Variants in RUNX2 observed in about 807,000 individuals in gnomAD.
RUNX2 encodes the protein runt-related transcription factor 2.
RUNX2 carries 10 observed loss-of-function variants against 51.7 expected under a neutral mutation model. The observed-to-expected ratio is 0.19, with a 90% CI of 0.12 to 0.33. RUNX2 has a LOEUF of 0.33. RUNX2 is among the 10% of genes least tolerant of loss of function. The pLI is 1.00. For synonymous variants in RUNX2, 276 were observed against 273.6 expected (o/e 1.01, Z -0.09); for missense variants, 562 against 691.3 (o/e 0.81, Z 2.10).
chr6:45,414,187 C>T (rs533585516), intron 2 of RUNX2, among the ~76,000 whole-genome samples: 4 of 152,134 alleles, frequency 2.6e-5, no homozygotes, highest in South Asian at 2.1e-4. Context: ...GCTGTAATAG[C>T]GAGGAAAAGA....
rs1009371504 is a variant in RUNX2 at position 45,475,141 on chromosome 6, A to G, written c.686-16800A>G. Among the ~76,000 whole-genome samples, 7 of 148,798 alleles carry G rather than the reference A, an allele frequency of 4.7e-5. No individual in the cohort carries two copies. The East Asian group carries it at 1.2e-3, about 25-fold the overall frequency. The stretch of plus-strand genomic sequence containing the variant: ...TCCATCTTAAAAAAAAAAAAAAAAA[A>G]GAAGCTTAATCTGTTTTAGGAGATA... On this transcript the variant is annotated intron_variant, in intron 5 of 8. Transcript: ENST00000647337.
chr6:45,443,560 A>T (rs1798901795), intron 5 of RUNX2, among the ~76,000 whole-genome samples: 2 of 152,332 alleles, frequency 1.3e-5, no homozygotes, highest in African/African-American at 4.8e-5. Context: ...AACAGGAAAA[A>T]TAATTCTTTT....
intron 4 of RUNX2, among the ~76,000 whole-genome samples, chr6:45,433,723 G>A (rs1798606429): frequency 6.6e-6 from 1 of 152,074 alleles, no homozygotes; most frequent in Non-Finnish European, 1.5e-5. Context: ...CAAAGGGTGT[G>A]CACTGTTTTA....
chr6:45,471,526 G>A (rs371197398), intron 5 of RUNX2, among the ~76,000 whole-genome samples: 7 of 150,436 alleles, frequency 4.7e-5, no homozygotes, highest in African/African-American at 1.7e-4. Flanking sequence ...CTCACTGCAA[G>A]CTCCGCCTCC....
rs146614259 is a variant in RUNX2 at position 45,357,220 on chromosome 6, G to C, written c.58+28436G>C. ...GACGGGGTTTCACCATGTTAGCCAG[G>C]ATGGTCTCAATCTCCTGACCTTCTG... On this transcript the variant is annotated intron_variant, in intron 2 of 8. Transcript: ENST00000647337. Among the ~76,000 whole-genome samples, 12 of 152,090 alleles carry C rather than the reference G, an allele frequency of 7.9e-5. No homozygotes were observed. The East Asian group carries it at 2.3e-3, about 30-fold the overall frequency.
At chr6:45,350,417 T>C (rs576690266) in intron 2 of RUNX2, among the ~76,000 whole-genome samples, 14 of 152,310 alleles carry the variant, frequency 9.2e-5, no homozygotes, top group South Asian at 2.1e-4. Flanking sequence ...ATTAGGTAAT[T>C]TGTAATACAC....
At chr6:45,507,614 A>G (rs1433359688) in intron 6 of RUNX2, among the ~76,000 whole-genome samples, 1 of 152,152 alleles carries the variant, frequency 6.6e-6, no homozygotes, top group African/African-American at 2.4e-5. Flanking sequence ...TTTTTTCCCC[A>G]CTAAAAGATT....
At chr6:45,493,910 C>G (rs759394716) in intron 6 of RUNX2, among the ~76,000 whole-genome samples, 3 of 151,998 alleles carry the variant, frequency 2.0e-5, no homozygotes, top group Non-Finnish European at 4.4e-5. Flanking sequence ...GTATTCTGAT[C>G]ATTATTTGTT....
chr6:45,388,148 G>A (rs889803339), intron 2 of RUNX2, among the ~76,000 whole-genome samples: 7 of 152,178 alleles, frequency 4.6e-5, no homozygotes, highest in African/African-American at 1.7e-4. Context: ...GATAGAATTA[G>A]ACCCTAGAAA....
intron 2 of RUNX2, among the ~76,000 whole-genome samples, chr6:45,342,495 G>A (rs1301097283): frequency 2.6e-5 from 4 of 152,008 alleles, no homozygotes; most frequent in East Asian, 1.9e-4. Context: ...TTCTGACCTC[G>A]TAATCCACCC....
intron 2 of RUNX2, among the ~76,000 whole-genome samples, chr6:45,396,591 A>G (rs899126809): frequency 5.3e-5 from 8 of 152,086 alleles, no homozygotes; most frequent in Non-Finnish European, 2.9e-5. Flanking sequence ...TTTATTGTAG[A>G]GACAGGGTCT....
intron 2 of RUNX2, among the ~76,000 whole-genome samples, chr6:45,352,880 T>C (rs930418107): frequency 6.6e-6 from 1 of 152,090 alleles, no homozygotes; most frequent in African/African-American, 2.4e-5. Context: ...AAAATTAAAC[T>C]GGTCATTTAT....
Position 45,333,273 on chromosome 6 carries a change from G to A in RUNX2, c.58+4489G>A, listed in dbSNP as rs144148518. On this transcript the variant is annotated intron_variant, in intron 2 of 8. Coordinates refer to ENST00000647337, the MANE Select transcript of RUNX2 (RefSeq NM_001024630.4). ...AGGGAAATTCTATACCTTATTAAAA[G>A]GGAGTTTCCTTACATTTTTAACCAC... Among the ~76,000 whole-genome samples the A allele has an allele frequency of 1.6e-3, 249 of 151,646 alleles. 1 individual carries two copies. Among genetic ancestry groups the A allele is most frequent in the African/African-American group, 5.7e-3 (235 of 41,480 alleles).
intron 2 of RUNX2, among the ~76,000 whole-genome samples, chr6:45,411,182 G>A (rs572487458): frequency 1.4e-4 from 22 of 152,230 alleles, no homozygotes; most frequent in South Asian, 2.1e-4. Context: ...TTTCAAGACC[G>A]CAAAGGTTTT....
chr6:45,428,198 A>G (rs533342982), intron 3 of RUNX2, among the ~76,000 whole-genome samples: 23 of 152,266 alleles, frequency 1.5e-4, no homozygotes, highest in East Asian at 1.3e-3. Flanking sequence ...ACCCCTTCAA[A>G]TGTTTTTCCA....
chr6:45,422,484 C>T (rs907761217), intron 2 of RUNX2, 109 bp from the exon 3 acceptor site: 4 of 593,910 alleles, frequency 6.7e-6, no homozygotes, highest in Non-Finnish European at 5.4e-6. Flanking sequence ...TCTTTCCCCC[C>T]GTCTCGCCTT....
intron 2 of RUNX2, among the ~76,000 whole-genome samples, chr6:45,393,444 T>C (rs1797514371): frequency 1.3e-5 from 2 of 151,466 alleles, no homozygotes; most frequent in Admixed American, 6.6e-5. Context: ...TTTTTTTTTT[T>C]CCTGGAAACG....
intron 5 of RUNX2, among the ~76,000 whole-genome samples, chr6:45,476,663 T>C (rs1799964115): frequency 6.6e-6 from 1 of 152,214 alleles, no homozygotes; most frequent in Non-Finnish European, 1.5e-5. Flanking sequence ...ACACTGTGCA[T>C]GCATTTCTTT....
chr6:45,357,164 G>A (rs1485482828), intron 2 of RUNX2, among the ~76,000 whole-genome samples: 1 of 151,760 alleles, frequency 6.6e-6, no homozygotes, highest in Non-Finnish European at 1.5e-5. Flanking sequence ...CCGCCACCAA[G>A]CCTGGCTAAT....
Sources: allele counts gnomAD v4.1 joint callset (sites outside exome capture counted in the v4.1 genomes callset), GRCh38; gene constraint gnomAD v4.1.1; transcripts MANE v1.5; gene names NCBI Gene and HGNC (gene_info 2026-07-23, HGNC 2026-07-21).